Variants in GRIK4 observed in about 807,000 individuals in gnomAD.
GRIK4 encodes the protein glutamate ionotropic receptor kainate type subunit 4.
GRIK4 carries 40 observed loss-of-function variants against 104.9 expected under a neutral mutation model. That is an observed-to-expected ratio of 0.38 (90% CI 0.30 to 0.50). The LOEUF is 0.50. GRIK4 is among the 20% of genes least tolerant of loss of function. The pLI, the probability that GRIK4 is intolerant of heterozygous loss-of-function variation, is 0.93. For missense variants in GRIK4, 1,047 were observed against 1,308.1 expected (o/e 0.80, Z 3.08); for synonymous variants, 485 against 524.9 (o/e 0.92, Z 1.04).
chr11:120,785,172 T>C (rs146305074), intron 3 of GRIK4, among the ~76,000 whole-genome samples: 2 of 152,192 alleles, frequency 1.3e-5, no homozygotes, highest in African/African-American at 4.8e-5. Flanking sequence ...CCACTGTTCC[T>C]TTCCTCCAGC....
intron 1 of GRIK4, among the ~76,000 whole-genome samples, chr11:120,521,886 T>C (rs1424813078): frequency 6.6e-6 from 1 of 152,250 alleles, no homozygotes; most frequent in Non-Finnish European, 1.5e-5. Context: ...TGCCGCCTTC[T>C]GCTCTTCTTC....
intron 3 of GRIK4, among the ~76,000 whole-genome samples, chr11:120,702,104 C>T (rs576290708): frequency 2.1e-4 from 32 of 152,062 alleles, no homozygotes; most frequent in Non-Finnish European, 2.6e-4. Flanking sequence ...TACAGGTGCA[C>T]GCCACCACGC....
intron 3 of GRIK4, among the ~76,000 whole-genome samples, chr11:120,721,484 C>T (rs565958836): frequency 2.6e-5 from 4 of 152,132 alleles, no homozygotes; most frequent in Admixed American, 6.5e-5. Flanking sequence ...GACCATGCCA[C>T]GCCACGGGGA....
chr11:120,957,703 G>A (rs1053140314), intron 16 of GRIK4, among the ~76,000 whole-genome samples: 1 of 151,326 alleles, frequency 6.6e-6, no homozygotes, highest in Non-Finnish European at 1.5e-5. Flanking sequence ...GGCTGTCATA[G>A]CATACAGGAC....
At chr11:120,826,453 T>C (rs4075786) in intron 6 of GRIK4, among the ~76,000 whole-genome samples, 19,974 of 152,142 alleles carry the variant, frequency 0.13, 2,298 homozygotes, top group African/African-American at 0.31. Context: ...GATAATAATA[T>C]CCACCTCCCA....
chr11:120,674,651 C>G (rs1950071465), intron 3 of GRIK4, among the ~76,000 whole-genome samples: 1 of 152,212 alleles, frequency 6.6e-6, no homozygotes, highest in Non-Finnish European at 1.5e-5. Context: ...GAGGGAATGC[C>G]AGTTATCTAG....
At chr11:120,551,958 C>G (rs1404709154) in intron 1 of GRIK4, among the ~76,000 whole-genome samples, 3 of 152,164 alleles carry the variant, frequency 2.0e-5, no homozygotes, top group African/African-American at 7.2e-5. Flanking sequence ...TGCGGCCCTT[C>G]CCCCATACCT....
At chr11:120,749,445 C>A (rs1951505863) in intron 3 of GRIK4, among the ~76,000 whole-genome samples, 1 of 152,210 alleles carries the variant, frequency 6.6e-6, no homozygotes, top group Non-Finnish European at 1.5e-5. Context: ...CACAGGGAAG[C>A]AAACAGTCCT....
chr11:120,857,267 G>T (rs1247024589), intron 8 of GRIK4, among the ~76,000 whole-genome samples: 3 of 152,206 alleles, frequency 2.0e-5, no homozygotes, highest in Non-Finnish European at 2.9e-5. Context: ...CCTGCAGCTT[G>T]CAGTGAATGG....
chr11:120,630,398 T>C (rs1359339737), intron 1 of GRIK4, among the ~76,000 whole-genome samples: 1 of 152,214 alleles, frequency 6.6e-6, no homozygotes, highest in Non-Finnish European at 1.5e-5. Context: ...AGAATCTCTT[T>C]GGGTTGCACG....
intron 11 of GRIK4, among the ~76,000 whole-genome samples, chr11:120,887,045 A>T (rs1955137220): frequency 6.6e-6 from 1 of 152,222 alleles, no homozygotes; most frequent in African/African-American, 2.4e-5. Context: ...CATCTTGGAA[A>T]GCTCTCATTC....
chr11:120,574,150 C>T (rs1948444400), intron 1 of GRIK4, among the ~76,000 whole-genome samples: 1 of 152,198 alleles, frequency 6.6e-6, no homozygotes, highest in South Asian at 2.1e-4. Context: ...CACCTCCTCC[C>T]ACGTGCCAGG....
rs560501160 is a variant in GRIK4, at chr11:120,765,902, G to A, written c.83-36791G>A. Among the ~76,000 whole-genome samples the A allele has an allele frequency of 7.2e-5, 11 of 152,350 alleles. No individual in the cohort carries two copies. The South Asian group carries it at 8.3e-4, about 11-fold the overall frequency. On this transcript the variant is annotated intron_variant, in intron 3 of 20. Transcript: ENST00000527524. ...GGTGTCTGTCGACCCCTGCTGGGAG[G>A]TGTCTCCCCATCAGGAAGCACAGGG...
chr11:120,779,134 A>G (rs1952099109), intron 3 of GRIK4, among the ~76,000 whole-genome samples: 1 of 152,176 alleles, frequency 6.6e-6, no homozygotes, highest in Non-Finnish European at 1.5e-5. Flanking sequence ...TTGACTGGAC[A>G]TGATTTCCTG....
chr11:120,527,331 G>A lies in GRIK4; in HGVS notation c.-159+15444G>A, dbSNP rs143733726. ...GCTTCCAGAGTGGGAGGAAGCAGGG[G>A]CGGGAGCTGGACAGCATCTGTCTGC... On this transcript the variant is annotated intron_variant, in intron 1 of 20. Transcript: ENST00000527524. Among the ~76,000 whole-genome samples the A allele has an allele frequency of 4.0e-3, 609 of 152,362 alleles. 1 individual carries two copies. Among genetic ancestry groups the A allele is most frequent in the African/African-American group, 0.014 (585 of 41,592 alleles).
At chr11:120,969,286 G>GA (rs1944435189) in intron 19 of GRIK4, among the ~76,000 whole-genome samples, 1 of 152,174 alleles carries the variant, frequency 6.6e-6, no homozygotes, top group South Asian at 2.1e-4. Flanking sequence ...GGGGGATGCA[G>GA]AAAAAAGTGT....
rs34617192 is a variant in GRIK4, at chr11:120,700,264, C to CT, written c.82+39885dup. Among the ~76,000 whole-genome samples the CT allele has an allele frequency of 8.1e-3, 963 of 118,214 alleles. 23 individuals carry two copies. The highest frequency in any genetic ancestry group is 0.017 in the African/African-American group (533 of 30,656). The allele number at this position is 118,214 out of a possible 152,430, so 77.6% of individuals were successfully genotyped here. A position where few individuals can be genotyped will look rare whatever the true frequency, so the allele number is the denominator to read the frequency against. On this transcript the variant is annotated intron_variant, in intron 3 of 20. Coordinates refer to ENST00000527524, the MANE Select transcript of GRIK4 (RefSeq NM_014619.5). ...AAGTTCCTATAAGATTATATTACTACTTTTTTTTTTTTTTTTTTTTTGAGA... is the reference window on the plus strand; with the variant it reads ...AAGTTCCTATAAGATTATATTACTACTTTTTTTTTTTTTTTTTTTTTTGAGA...
At chr11:120,918,593 T>C (rs1943162198) in intron 13 of GRIK4, among the ~76,000 whole-genome samples, 1 of 152,138 alleles carries the variant, frequency 6.6e-6, no homozygotes, top group African/African-American at 2.4e-5. Context: ...ACTTGTCGAT[T>C]TTTTTCCTAC....
chr11:120,596,568 A>G (rs1387912686), intron 1 of GRIK4, among the ~76,000 whole-genome samples: 1 of 152,076 alleles, frequency 6.6e-6, no homozygotes, highest in African/African-American at 2.4e-5. Flanking sequence ...CTTTATGTCT[A>G]TGTGTCTACG....
Sources: allele counts gnomAD v4.1 joint callset (sites outside exome capture counted in the v4.1 genomes callset), GRCh38; gene constraint gnomAD v4.1.1; transcripts MANE v1.5; gene names NCBI Gene and HGNC (gene_info 2026-07-23, HGNC 2026-07-21).